PAWR: variants seen among roughly 807,000 people sequenced by gnomAD.
PAWR encodes pro-apoptotic WT1 regulator.
Under a neutral mutation model 32.0 loss-of-function variants are expected in PAWR, and 23 were observed. The observed-to-expected ratio is 0.72, with a 90% CI of 0.52 to 1.02. The LOEUF is 1.02. Ranked by LOEUF, PAWR falls within the 50% of genes least tolerant of loss-of-function variation. The pLI is 0.00. For missense variants in PAWR, 457 were observed against 437.7 expected (o/e 1.04, Z -0.39); for synonymous variants, 226 against 187.1 (o/e 1.21, Z -1.70).
At chr12:79,639,191 C>CA (rs371804026) in intron 2 of PAWR, among the ~76,000 whole-genome samples, 268 of 151,648 alleles carry the variant, frequency 1.8e-3, no homozygotes, top group African/African-American at 5.7e-3. Context: ...ATAGGTGTGA[C>CA]AGGCGTGAGC....
At chr12:79,640,149 C>G (rs1876250916) in intron 2 of PAWR, among the ~76,000 whole-genome samples, 1 of 152,068 alleles carries the variant, frequency 6.6e-6, no homozygotes, top group Non-Finnish European at 1.5e-5. Flanking sequence ...GTGATCCTCC[C>G]ACCTCAGCCT....
chr12:79,630,837 A>G (rs1037571992), intron 2 of PAWR, among the ~76,000 whole-genome samples: 51 of 151,136 alleles, frequency 3.4e-4, no homozygotes, highest in African/African-American at 1.1e-3. Flanking sequence ...TTTGAGGCCA[A>G]CAATGCTCTG....
At chr12:79,618,947 T>C (rs925962380) in intron 3 of PAWR, among the ~76,000 whole-genome samples, 1 of 152,090 alleles carries the variant, frequency 6.6e-6, no homozygotes, top group Admixed American at 6.6e-5. Context: ...TTTTCCCTTA[T>C]CCAAGCTTTC....
intron 2 of PAWR, among the ~76,000 whole-genome samples, chr12:79,628,697 C>T (rs1282908955): frequency 6.6e-6 from 1 of 151,986 alleles, no homozygotes; most frequent in Non-Finnish European, 1.5e-5. Flanking sequence ...TGTGGAACCA[C>T]TCAAAGGAAT....
intron 2 of PAWR, among the ~76,000 whole-genome samples, chr12:79,661,089 G>A (rs1877328023): frequency 6.6e-6 from 1 of 151,430 alleles, no homozygotes; most frequent in Non-Finnish European, 1.5e-5. Context: ...CCAACAGGGT[G>A]AAACCCCATC....
intron 2 of PAWR, among the ~76,000 whole-genome samples, chr12:79,625,894 A>G (rs1015516917): frequency 1.3e-5 from 2 of 151,844 alleles, no homozygotes; most frequent in East Asian, 3.9e-4. Context: ...AATATAAAGT[A>G]TGGGCCGGGC....
chr12:79,666,342 C>A (rs1374865508), intron 2 of PAWR, among the ~76,000 whole-genome samples: 1 of 152,168 alleles, frequency 6.6e-6, no homozygotes, highest in Non-Finnish European at 1.5e-5. Flanking sequence ...AAGGAAATTT[C>A]TCTATATAAA....
chr12:79,681,627 T>C (rs1261471153), intron 2 of PAWR, among the ~76,000 whole-genome samples: 1 of 152,206 alleles, frequency 6.6e-6, no homozygotes, highest in East Asian at 1.9e-4. Flanking sequence ...TTAATATGTA[T>C]AAGATAACAG....
intron 4 of PAWR, among the ~76,000 whole-genome samples, chr12:79,603,419 T>C (rs1473970110): frequency 2.6e-5 from 4 of 151,936 alleles, no homozygotes; most frequent in Non-Finnish European, 5.9e-5. Flanking sequence ...ATTAGAAGCA[T>C]TTTAAAGGAC....
intron 2 of PAWR, among the ~76,000 whole-genome samples, chr12:79,643,332 C>G (rs1876419381): frequency 6.6e-6 from 1 of 151,910 alleles, no homozygotes; most frequent in African/African-American, 2.4e-5. Flanking sequence ...ACTTAATAGT[C>G]AAAGAAGTAA....
At chr12:79,666,401 T>C (rs534597612) in intron 2 of PAWR, among the ~76,000 whole-genome samples, 1 of 152,304 alleles carries the variant, frequency 6.6e-6, no homozygotes, top group South Asian at 2.1e-4. Context: ...TACCACCATT[T>C]TGCAACCAAT....
chr12:79,661,956 C>T (rs1241509304), intron 2 of PAWR, among the ~76,000 whole-genome samples: 1 of 152,024 alleles, frequency 6.6e-6, no homozygotes, highest in East Asian at 1.9e-4. Flanking sequence ...AATGTTGCCA[C>T]TTTAATAAAT....
At position 79,587,904 on chromosome 12, in the gene PAWR, C is replaced by G. The variant is rs1035609718; in HGVS notation, c.*4703G>C. 3 of 103,160 alleles carry G rather than the reference C, an allele frequency of 2.9e-5. No individual in the cohort carries two copies. Among genetic ancestry groups the G allele is most frequent in the Non-Finnish European group, 8.4e-5 (3 of 35,848 alleles). The allele number at this position is 103,160 out of a possible 1,614,324, so 6.4% of individuals were successfully genotyped here. A position where few individuals can be genotyped will look rare whatever the true frequency, so the allele number is the denominator to read the frequency against. On this transcript the variant is annotated 3_prime_UTR_variant, in exon 7 of 7. Transcript: ENST00000328827. ...TAAAAACCTATGAAATGGGAATGAT[C>G]AAAGCTGTCTAACACAATACTAATG...
At chr12:79,622,557 G>A (rs1362327628) in intron 2 of PAWR, among the ~76,000 whole-genome samples, 1 of 152,122 alleles carries the variant, frequency 6.6e-6, no homozygotes, top group African/African-American at 2.4e-5. Context: ...AATATGCAGT[G>A]ATTGGTTTTC....
intron 2 of PAWR, among the ~76,000 whole-genome samples, chr12:79,654,168 A>G (rs1270995546): frequency 6.6e-6 from 1 of 152,230 alleles, no homozygotes; most frequent in Non-Finnish European, 1.5e-5. Context: ...AATTAGCCTT[A>G]TGTTTGGTTA....
chr12:79,662,617 C>G (rs1474623173), intron 2 of PAWR, among the ~76,000 whole-genome samples: 1 of 152,146 alleles, frequency 6.6e-6, no homozygotes, highest in Non-Finnish European at 1.5e-5. Context: ...TTCTACAAGG[C>G]AAAAGTATCA....
rs145423708 is a variant in PAWR, at chr12:79,669,335, A to G, written c.516+20394T>C. ...TTTCCCTGCATGGAGGGAATAAGCC[A>G]TATTACAGAGTAGGGCCATGTCTAT... is the stretch of plus-strand genomic sequence containing the variant. On this transcript the variant is annotated intron_variant, in intron 2 of 6. Coordinates refer to ENST00000328827, the MANE Select transcript of PAWR (RefSeq NM_002583.4). Among the ~76,000 whole-genome samples, 473 of 152,344 alleles carry G rather than the reference A, an allele frequency of 3.1e-3. 5 individuals carry two copies. Among genetic ancestry groups the G allele is most frequent in the African/African-American group, 0.011 (440 of 41,576 alleles).
intron 4 of PAWR, among the ~76,000 whole-genome samples, chr12:79,612,347 T>C (rs1180060131): frequency 6.6e-6 from 1 of 152,172 alleles, no homozygotes; most frequent in East Asian, 1.9e-4. Flanking sequence ...TAATAAATAC[T>C]GTAGCCCATG....
intron 3 of PAWR, among the ~76,000 whole-genome samples, chr12:79,620,593 TGTGAA>T (rs1566005271): frequency 3.9e-5 from 6 of 152,092 alleles, no homozygotes; most frequent in Non-Finnish European, 8.8e-5. Flanking sequence ...CCAAGTAGAA[TGTGAA>T]GTTTACCTTT....
Sources: gnomAD v4.1 joint callset for allele counts (sites outside exome capture counted in the v4.1 genomes callset) on GRCh38, gnomAD v4.1.1 for gene constraint, MANE v1.5 for transcripts, NCBI Gene and HGNC (gene_info 2026-07-23, HGNC 2026-07-21) for gene names.